The following SLCO3A1 variants were observed in gnomAD, a reference collection of about 807,000 sequenced individuals.
SLCO3A1 encodes PGE1 transporter.
A neutral mutation model predicts 63.1 loss-of-function variants in SLCO3A1; 27 were observed. The observed-to-expected ratio is 0.43, with a 90% CI of 0.32 to 0.59. The LOEUF (loss-of-function observed/expected upper bound fraction) is 0.59. Ranked by LOEUF, SLCO3A1 falls within the 20% of genes least tolerant of loss-of-function variation. The probability of loss-of-function intolerance (pLI) is 0.09; values close to 1 mark genes in which losing one functional copy is unlikely to be tolerated. For synonymous variants in SLCO3A1, 473 were observed against 409.9 expected, an observed-to-expected ratio of 1.15 and a Z score of -1.86; for missense variants, 773 against 945.8, an observed-to-expected ratio of 0.82 and a Z score of 2.40.
chr15:92,171,878 C>T (rs1469261619), exon 11 of SLCO3A1: 2 of 1,543,888 alleles, frequency 1.3e-6, no homozygotes, highest in African/African-American at 1.4e-5. Flanking sequence ...TGGCCCTCTT[C>T]CTCTTCCTGG....
rs560035203 is a variant in SLCO3A1, at chr15:91,948,348, C to T, written c.646+31890C>T. ...CTGTCCTAGAAGGGCTTCCAGAGCT[C>T]GAGCTGTTGCCAAGTTTAGAAGTGG... is the stretch of plus-strand genomic sequence containing the variant. On this transcript the variant is annotated intron_variant, in intron 2 of 9. Coordinates refer to ENST00000318445, the MANE Select transcript of SLCO3A1 (RefSeq NM_013272.4). This position sits in a 1 kb window ranked among gnomAD's most constrained non-coding sequence, Gnocchi z 4.8. Among the ~76,000 whole-genome samples the T allele has an allele frequency of 2.1e-4, 32 of 152,174 alleles. No individual in the cohort carries two copies. Among genetic ancestry groups the T allele is most frequent in the Non-Finnish European group, 4.1e-4 (28 of 68,038 alleles).
At chr15:91,909,370 T>C (rs148176811) in intron 1 of SLCO3A1, among the ~76,000 whole-genome samples, 64 of 152,346 alleles carry the variant, frequency 4.2e-4, no homozygotes, top group Admixed American at 1.0e-3. Flanking sequence ...TTTTGTGTTA[T>C]GGTGGTAGAG....
intron 2 of SLCO3A1, among the ~76,000 whole-genome samples, chr15:91,958,588 AT>A (rs1900324353): frequency 1.3e-5 from 2 of 152,226 alleles, no homozygotes; most frequent in Non-Finnish European, 2.9e-5. Context: ...CTCAGTATTT[AT>A]TAGCCCTTAT....
intron 2 of SLCO3A1, among the ~76,000 whole-genome samples, chr15:91,957,621 T>C (rs1900287838): frequency 6.6e-6 from 1 of 152,176 alleles, no homozygotes; most frequent in Non-Finnish European, 1.5e-5. Flanking sequence ...CTCCTGGCTC[T>C]CCTTCATTTG....
intron 2 of SLCO3A1, among the ~76,000 whole-genome samples, chr15:92,094,014 C>CT (rs1359539842): frequency 1.3e-5 from 2 of 152,192 alleles, no homozygotes; most frequent in Non-Finnish European, 2.9e-5. Context: ...TTTCTGGACT[C>CT]TTATTTTTGC....
downstream of SLCO3A1, among the ~76,000 whole-genome samples, chr15:92,167,699 G>A (rs532310260): frequency 6.6e-6 from 1 of 152,314 alleles, no homozygotes; most frequent in East Asian, 1.9e-4. Flanking sequence ...TATGGGGCCT[G>A]TTGCCTAGAA....
intron 9 of SLCO3A1, among the ~76,000 whole-genome samples, chr15:92,157,542 G>A (rs1222759233): frequency 6.6e-6 from 1 of 150,706 alleles, no homozygotes; most frequent in African/African-American, 2.5e-5. Flanking sequence ...GCAGGATGGA[G>A]TGCAATAGTG....
chr15:92,090,064 C>G (rs1250357107), intron 2 of SLCO3A1, among the ~76,000 whole-genome samples: 1 of 152,150 alleles, frequency 6.6e-6, no homozygotes, highest in Admixed American at 6.5e-5. Flanking sequence ...GTCATAATCG[C>G]TTACTAATGG....
At chr15:91,961,246 C>T (rs1900434639) in intron 2 of SLCO3A1, among the ~76,000 whole-genome samples, 1 of 152,204 alleles carries the variant, frequency 6.6e-6, no homozygotes, top group African/African-American at 2.4e-5. Flanking sequence ...TTTTGGCTGC[C>T]TGCTGGCAAG....
intron 2 of SLCO3A1, among the ~76,000 whole-genome samples, chr15:91,982,019 G>A (rs1211906297): frequency 6.6e-6 from 1 of 152,284 alleles, no homozygotes; most frequent in Admixed American, 6.5e-5. Flanking sequence ...CATCATTGCA[G>A]GAGAGGGGCG....
chr15:92,167,275 C>A (rs544351447), downstream of SLCO3A1, among the ~76,000 whole-genome samples: 1 of 152,232 alleles, frequency 6.6e-6, no homozygotes, highest in African/African-American at 2.4e-5. Context: ...GCTGGCTCCA[C>A]TGGGCTCACG....
Position 92,164,777 on chromosome 15 carries a change from G to C in SLCO3A1, c.*1642G>C, listed in dbSNP as rs1220202746. 3 of 985,308 alleles carry C rather than the reference G, an allele frequency of 3.0e-6. No individual in the cohort carries two copies. The highest frequency in any genetic ancestry group is 3.5e-5 in the African/African-American group (2 of 57,220). The allele number at this position is 985,308 out of a possible 1,614,324, so 61.0% of individuals were successfully genotyped here. ...ATGAACCTGTTATGATTTGGGGTAA[G>C]AATCACGTTGGAAAACCTCTCGCAA... On this transcript the variant is annotated 3_prime_UTR_variant, in exon 10 of 10. Transcript: ENST00000318445.
At chr15:92,129,381 T>C (rs1354290328) in intron 7 of SLCO3A1, among the ~76,000 whole-genome samples, 1 of 152,178 alleles carries the variant, frequency 6.6e-6, no homozygotes, top group East Asian at 1.9e-4. Flanking sequence ...AACCTGTCTT[T>C]TCATACACCT....
intron 2 of SLCO3A1, among the ~76,000 whole-genome samples, chr15:91,932,023 T>C (rs116648514): frequency 0.015 from 2,330 of 152,258 alleles, 71 homozygotes; most frequent in African/African-American, 0.054. Flanking sequence ...TTAGAAAGCT[T>C]TGGCTGGTAG....
chr15:92,071,263 C>G (rs115411199), intron 2 of SLCO3A1, among the ~76,000 whole-genome samples: 1 of 152,124 alleles, frequency 6.6e-6, no homozygotes, highest in Non-Finnish European at 1.5e-5. Context: ...TGCCAGGGAG[C>G]GTGAGGATGA....
At chr15:92,130,152 T>C (rs1420499802) in intron 7 of SLCO3A1, among the ~76,000 whole-genome samples, 1 of 152,246 alleles carries the variant, frequency 6.6e-6, no homozygotes, top group Non-Finnish European at 1.5e-5. Flanking sequence ...GGGAATGCAC[T>C]GACCAAAAAA....
At position 91,882,658 on chromosome 15, in the gene SLCO3A1, G is replaced by T. The variant is rs182114023; in HGVS notation, c.180+28570G>T. ...GCCTCCCGAGTAGCTGGGACCACAG[G>T]CGTATGCACCACCACCACGTCCAGC... On this transcript the variant is annotated intron_variant, in intron 1 of 9. Coordinates refer to ENST00000318445, the MANE Select transcript of SLCO3A1 (RefSeq NM_013272.4). The surrounding 1 kb of genome is among the most constrained non-coding windows in gnomAD (Gnocchi z 4.4). 2.6e-5 allele frequency among the ~76,000 whole-genome samples: 4 copies of T among 152,216 alleles called. No homozygotes were observed. The East Asian group carries it at 7.8e-4, about 30-fold the overall frequency.
intron 2 of SLCO3A1, among the ~76,000 whole-genome samples, chr15:92,021,904 C>T (rs995220256): frequency 3.3e-5 from 5 of 152,134 alleles, no homozygotes; most frequent in Admixed American, 1.3e-4. Flanking sequence ...CAGCCTAATA[C>T]AGTGGCAGCC....
chr15:92,021,429 G>C lies in SLCO3A1; in HGVS notation c.647-73452G>C, dbSNP rs573185193. On this transcript the variant is annotated intron_variant, in intron 2 of 9. Transcript: ENST00000318445. Reference sequence around the variant, plus strand: ...AGACAAAATGAGTAAATAGCTGATGGGTGAATTCATAAACAAAATAATTTA... The same window carrying C: ...AGACAAAATGAGTAAATAGCTGATGCGTGAATTCATAAACAAAATAATTTA... Among the ~76,000 whole-genome samples, 3 of 152,180 alleles carry C rather than the reference G, an allele frequency of 2.0e-5. 1 individual carries two copies. The South Asian group carries it at 6.2e-4, about 32-fold the overall frequency.
Sources: allele counts gnomAD v4.1 joint callset (sites outside exome capture counted in the v4.1 genomes callset), GRCh38; gene constraint gnomAD v4.1.1; non-coding constraint Gnocchi (gnomAD v3.1); transcripts MANE v1.5; gene names NCBI Gene and HGNC (gene_info 2026-07-23, HGNC 2026-07-21).